The following ATR variants were observed in gnomAD, a reference collection of about 807,000 sequenced individuals.
ATR encodes serine/threonine-protein kinase ATR.
Under a neutral mutation model 305.3 loss-of-function variants are expected in ATR, and 142 were observed. The observed-to-expected ratio is 0.47, with a 90% confidence interval of 0.41 to 0.53. The LOEUF (loss-of-function observed/expected upper bound fraction) is 0.53. Among genes scored for constraint, ATR ranks in the 20% least tolerant of loss-of-function variants. ATR has a pLI of 0.00. For synonymous variants in ATR, 1,050 were observed against 1,068.1 expected (o/e 0.98, Z 0.33); for missense variants, 2,135 against 3,133.1 (o/e 0.68, Z 7.60).
At chr3:142,513,427 C>T in intron 26 of ATR, 74 bp downstream of exon 26, 1 of 1,533,930 alleles carries the variant, frequency 6.5e-7, no homozygotes, top group Middle Eastern at 2.2e-4. Context: ...TAATAGGTAG[C>T]CTTTCTAATA....
At chr3:142,527,685 TTAAA>T (rs1402812529) in intron 21 of ATR, among the ~76,000 whole-genome samples, 1 of 152,230 alleles carries the variant, frequency 6.6e-6, no homozygotes, top group Non-Finnish European at 1.5e-5. Context: ...CTATCTTTTC[TTAAA>T]TAGTTTTAAT....
chr3:142,541,220 A>C (rs2108438771), intron 17 of ATR, among the ~76,000 whole-genome samples, 186 bp from the exon 18 acceptor site: 1 of 152,282 alleles, frequency 6.6e-6, no homozygotes, highest in East Asian at 1.9e-4. Flanking sequence ...GGTAATTATA[A>C]ATTTGAAAAA....
At chr3:142,559,479 A>G (rs773481365) in intron 6 of ATR, 38 bp from the exon 7 acceptor site, 2 of 1,591,698 alleles carry the variant, frequency 1.3e-6, no homozygotes, top group African/African-American at 2.7e-5. Context: ...ATTGGAATTA[A>G]GATGAATTTT....
chr3:142,452,102 G>A, intron 46 of ATR: 2 of 1,018,818 alleles, frequency 2.0e-6, no homozygotes, highest in Non-Finnish European at 2.4e-6. Flanking sequence ...TCTTTTAGAA[G>A]AACTAAAGAA....
intron 25 of ATR, among the ~76,000 whole-genome samples, chr3:142,514,833 G>T (rs7624616): frequency 0.068 from 9,857 of 145,728 alleles, 829 homozygotes; most frequent in African/African-American, 0.19. Flanking sequence ...AAAAAAGAAA[G>T]GTAAATTAAA....
intron 21 of ATR, among the ~76,000 whole-genome samples, chr3:142,525,494 T>G (rs1352537779): frequency 6.6e-6 from 1 of 152,162 alleles, no homozygotes; most frequent in African/African-American, 2.4e-5. Flanking sequence ...TAAGGAGAAC[T>G]GAAATCGTTA....
chr3:142,450,846 T>C, intron 46 of ATR: 6 of 1,356,900 alleles, frequency 4.4e-6, no homozygotes, highest in Non-Finnish European at 5.7e-6. Flanking sequence ...AGTTGCCATT[T>C]CTGGAAGTGT....
At position 142,536,442 on chromosome 3, in the gene ATR, CA is replaced by C. The variant is rs1189934514; in HGVS notation, c.3726-242del. ...ACAATAAACCATGCTTCTCAGCATA[CA>C]AACCCATATATACAGTCCCTTCCTC... On this transcript the variant is annotated intron_variant, in intron 19 of 46. Transcript: ENST00000350721. Among the ~76,000 whole-genome samples the C allele has an allele frequency of 2.6e-5, 4 of 152,318 alleles. No individual in the cohort carries two copies. In the East Asian group the frequency reaches 7.7e-4, roughly 29 times the overall value.
intron 9 of ATR, 32 bp downstream of exon 9, chr3:142,556,351 T>G (rs964365140): frequency 6.3e-7 from 1 of 1,582,708 alleles, no homozygotes; most frequent in South Asian, 1.1e-5. Context: ...TCCAATAGAG[T>G]GATATATTCA....
intron 46 of ATR, chr3:142,452,351 C>T (rs77166419): frequency 0.02 from 19,850 of 986,508 alleles, 218 homozygotes; most frequent in South Asian, 0.043. Flanking sequence ...CCAAAAAAAA[C>T]GAATCCTCAA....
chr3:142,525,181 C>T (rs940066023), intron 21 of ATR, among the ~76,000 whole-genome samples: 5 of 152,128 alleles, frequency 3.3e-5, no homozygotes, highest in Non-Finnish European at 7.3e-5. Context: ...AGAAGTGTCA[C>T]TTTTTATCAT....
chr3:142,545,304 C>T (rs966098415), intron 16 of ATR, among the ~76,000 whole-genome samples: 6 of 151,996 alleles, frequency 3.9e-5, no homozygotes, highest in African/African-American at 4.8e-5. Context: ...GTAAGGGAGT[C>T]GAGACAGGGT....
At chr3:142,570,945 T>C (rs1560006920) in intron 1 of ATR, among the ~76,000 whole-genome samples, 1 of 152,168 alleles carries the variant, frequency 6.6e-6, no homozygotes, top group East Asian at 1.9e-4. Flanking sequence ...TTCTCCCTTA[T>C]AATGGAAAGA....
chr3:142,471,959 A>C (rs565829474), intron 36 of ATR: 1 of 152,290 alleles, frequency 6.6e-6, no homozygotes, highest in Admixed American at 6.5e-5. Flanking sequence ...GATTCTACAT[A>C]TAAGTAAGAT....
intron 26 of ATR, among the ~76,000 whole-genome samples, 172 bp downstream of exon 26, chr3:142,513,329 C>A (rs962033561): frequency 6.6e-5 from 10 of 152,054 alleles, no homozygotes; most frequent in African/African-American, 2.4e-4. Context: ...ATACATAGAA[C>A]GTCTATCAAT....
intron 19 of ATR, among the ~76,000 whole-genome samples, chr3:142,536,924 C>G (rs925043021): frequency 6.6e-6 from 1 of 152,136 alleles, no homozygotes; most frequent in African/African-American, 2.4e-5. Context: ...CTTGTCAGGG[C>G]TATAATTTTT....
intron 36 of ATR, among the ~76,000 whole-genome samples, chr3:142,478,658 T>C (rs1454592400): frequency 6.6e-6 from 1 of 152,192 alleles, no homozygotes; most frequent in Non-Finnish European, 1.5e-5. Context: ...TAACCTTCTG[T>C]CTCGTTGATC....
Position 142,547,776 on chromosome 3 carries a change from G to A in ATR, c.3306C>T (p.Ser1102=), listed in dbSNP as rs2108451014. The change falls in exon 16 of 47, where the codon TCC becomes TCT. Residue 1102 remains serine (S), a synonymous_variant. Coordinates refer to ENST00000350721, the MANE Select transcript of ATR (RefSeq NM_001184.4). ...TCGGGCCCTGATATGGATCATCACT[G>A]GATGCAAATGAGGCAAGTATTGACA... The part of the protein sequence containing the change: ...NGLSILASFA[S]SDDPYQGPRD... 4 of 1,613,864 alleles carry A rather than the reference G, an allele frequency of 2.5e-6. No individual in the cohort carries two copies. The highest frequency in any genetic ancestry group is 2.7e-5 in the African/African-American group (2 of 75,000).
At chr3:142,494,598 G>T (rs1269376782) in intron 34 of ATR, among the ~76,000 whole-genome samples, 1 of 152,164 alleles carries the variant, frequency 6.6e-6, no homozygotes, top group Non-Finnish European at 1.5e-5. Flanking sequence ...TCTTGGCAGA[G>T]AATTTAGTGA....
Sources: allele counts gnomAD v4.1 joint callset (sites outside exome capture counted in the v4.1 genomes callset), GRCh38; gene constraint gnomAD v4.1.1; transcripts MANE v1.5; gene names NCBI Gene and HGNC (gene_info 2026-07-23, HGNC 2026-07-21).